The following SETBP1 variants were observed in gnomAD, a reference collection of about 807,000 sequenced individuals.
The protein encoded by SETBP1 is SET binding protein 1.
In SETBP1, 9 loss-of-function variants were observed where a neutral mutation model predicts 101.0. The observed-to-expected ratio is 0.09, with a 90% confidence interval of 0.05 to 0.16. The LOEUF (loss-of-function observed/expected upper bound fraction) is 0.16. SETBP1 is among the 10% of genes least tolerant of loss of function. SETBP1 has a pLI of 1.00. For synonymous variants in SETBP1, 818 were observed against 788.5 expected (o/e 1.04, Z -0.63); for missense variants, 1,858 against 2,033.8 (o/e 0.91, Z 1.66).
chr18:44,929,880 A>T (rs1409162711), intron 3 of SETBP1, among the ~76,000 whole-genome samples: 2 of 152,202 alleles, frequency 1.3e-5, no homozygotes, highest in Non-Finnish European at 2.9e-5. Flanking sequence ...GTCATCTGCA[A>T]ACAGGGACAA....
chr18:44,805,502 T>C (rs1263574076), intron 2 of SETBP1, among the ~76,000 whole-genome samples: 1 of 151,990 alleles, frequency 6.6e-6, no homozygotes, highest in Admixed American at 6.6e-5. Context: ...AATTCTATGC[T>C]CAAATCTCAA....
intron 2 of SETBP1, among the ~76,000 whole-genome samples, chr18:44,838,699 G>A (rs548707670): frequency 6.6e-6 from 1 of 152,198 alleles, no homozygotes; most frequent in Non-Finnish European, 1.5e-5. Flanking sequence ...GGGGTATGGG[G>A]TGGGCTGGAT....
intron 2 of SETBP1, among the ~76,000 whole-genome samples, chr18:44,758,099 T>C (rs892353237): frequency 6.6e-6 from 1 of 152,106 alleles, no homozygotes. Context: ...GTCCCATCTA[T>C]TATCCGTGTA....
At chr18:44,908,338 A>G (rs151123097) in intron 3 of SETBP1, among the ~76,000 whole-genome samples, 180 of 152,170 alleles carry the variant, frequency 1.2e-3, no homozygotes, top group African/African-American at 4.2e-3. Flanking sequence ...GGTGTGAGCC[A>G]CCACACCTGG....
At chr18:44,915,289 TG>T (rs1370501628) in intron 3 of SETBP1, among the ~76,000 whole-genome samples, 1 of 152,140 alleles carries the variant, frequency 6.6e-6, no homozygotes, top group African/African-American at 2.4e-5. Context: ...CAAGGAAGTA[TG>T]GGGTTTTATT....
chr18:45,041,612 G>A (rs1191097503), intron 5 of SETBP1, among the ~76,000 whole-genome samples: 1 of 152,146 alleles, frequency 6.6e-6, no homozygotes, highest in African/African-American at 2.4e-5. Flanking sequence ...AAGCAATCGT[G>A]TATTGAGATA....
At chr18:44,977,974 T>C (rs946420269) in intron 4 of SETBP1, among the ~76,000 whole-genome samples, 6 of 152,168 alleles carry the variant, frequency 3.9e-5, no homozygotes, top group African/African-American at 7.2e-5. Context: ...TTTTCAGCTC[T>C]GGGGCCTGTG....
At position 45,017,337 on chromosome 18, in the gene SETBP1, G is replaced by T. The variant is rs531172482; in HGVS notation, c.4001-21148G>T. 3.3e-5 allele frequency among the ~76,000 whole-genome samples: 5 copies of T among 152,284 alleles called. No homozygotes were observed. In the East Asian group the frequency reaches 9.7e-4, roughly 29 times the overall value. ...CCCTCCAGTAAATATGGCCAACATAGGGCAAAACTGTGGACTCTGCAAAAT... is the reference window on the plus strand; with the variant it reads ...CCCTCCAGTAAATATGGCCAACATATGGCAAAACTGTGGACTCTGCAAAAT... On this transcript the variant is annotated intron_variant, in intron 4 of 5. Coordinates refer to ENST00000649279, the MANE Select transcript of SETBP1 (RefSeq NM_015559.3).
At chr18:45,008,198 C>A (rs770282270) in intron 4 of SETBP1, among the ~76,000 whole-genome samples, 1 of 152,052 alleles carries the variant, frequency 6.6e-6, no homozygotes, top group Non-Finnish European at 1.5e-5. Context: ...CTATCTTGTC[C>A]CTAGGGGACA....
intron 2 of SETBP1, among the ~76,000 whole-genome samples, chr18:44,743,693 T>A (rs2144489901): frequency 6.6e-6 from 1 of 152,300 alleles, no homozygotes; most frequent in Non-Finnish European, 1.5e-5. Flanking sequence ...TAGCCCCCAT[T>A]TAACCTACCT....
chr18:44,686,335 G>T lies in SETBP1; in HGVS notation c.-173+5314G>T, dbSNP rs529868214. 3.2e-4 allele frequency among the ~76,000 whole-genome samples: 48 copies of T among 152,340 alleles called. No homozygotes were observed. In the South Asian group the frequency reaches 9.7e-3, roughly 31 times the overall value. On this transcript the variant is annotated intron_variant, in intron 1 of 5. Coordinates refer to ENST00000649279, the MANE Select transcript of SETBP1 (RefSeq NM_015559.3). Reference sequence around the variant, plus strand: ...TGCCCCAGGCTGTGTTGTCAGACTGGTTTCTTCACTGACTCTGGACATTCT... The same window carrying T: ...TGCCCCAGGCTGTGTTGTCAGACTGTTTTCTTCACTGACTCTGGACATTCT...
At position 44,951,227 on chromosome 18, in the gene SETBP1, A is replaced by G. The variant is rs1599367409; in HGVS notation, c.1887A>G (p.Leu629=). The G allele has an allele frequency of 1.2e-6, 2 of 1,614,126 alleles. No homozygotes were observed. The highest frequency in any genetic ancestry group is 4.5e-5 in the East Asian group (2 of 44,882). The change falls in exon 4 of 6, where the codon TTA becomes TTG. Residue 629 remains leucine (L), a synonymous_variant. Coordinates refer to ENST00000649279, the MANE Select transcript of SETBP1 (RefSeq NM_015559.3). This position sits in a 1 kb window ranked among gnomAD's most constrained non-coding sequence, Gnocchi z 7.8. ...AGAAAAGAAAGCGACGACGCAATTT[A>G]GCGAAGTTGGCCCAGCTAGTGCCGG... is the stretch of plus-strand genomic sequence containing the variant. The part of the protein sequence containing the change: ...GTKKRKRRRN[L]AKLAQLVPGE...
At position 45,016,211 on chromosome 18, in the gene SETBP1, T is replaced by C. The variant is rs576937070; in HGVS notation, c.4001-22274T>C. On this transcript the variant is annotated intron_variant, in intron 4 of 5. Coordinates refer to ENST00000649279, the MANE Select transcript of SETBP1 (RefSeq NM_015559.3). ...GTGGGGGAGGTTTTCCCTTATACAC[T>C]ATTTTAGGAAAACTCATGATTGAAT... is the stretch of plus-strand genomic sequence containing the variant. Among the ~76,000 whole-genome samples, 21 of 152,276 alleles carry C rather than the reference T, an allele frequency of 1.4e-4. No homozygotes were observed. In the East Asian group the frequency reaches 3.5e-3, roughly 25 times the overall value.
intron 2 of SETBP1, among the ~76,000 whole-genome samples, chr18:44,860,704 G>A (rs1379411455): frequency 6.6e-6 from 1 of 151,142 alleles, no homozygotes; most frequent in African/African-American, 2.4e-5. Flanking sequence ...CCAAGACTGT[G>A]CCACTGCACT....
rs142813699 is a variant in SETBP1, at chr18:44,947,413, G to A, written c.541-2468G>A. 2.5e-3 allele frequency among the ~76,000 whole-genome samples: 383 copies of A among 152,062 alleles called. 1 individual carries two copies. Among genetic ancestry groups the A allele is most frequent in the African/African-American group, 8.8e-3 (364 of 41,462 alleles). The stretch of plus-strand genomic sequence containing the variant: ...GGTGCCCAGAACTAGAAAAGTGATG[G>A]TGGTAGAGGTGGGAAAAAAAGAAGG... On this transcript the variant is annotated intron_variant, in intron 3 of 5. Transcript: ENST00000649279.
intron 2 of SETBP1, among the ~76,000 whole-genome samples, chr18:44,823,862 G>A (rs758769687): frequency 2.0e-4 from 31 of 152,270 alleles, no homozygotes; most frequent in Non-Finnish European, 3.5e-4. Context: ...TTCTTGAGGT[G>A]AGCAGTGAGG....
At chr18:44,896,177 G>A (rs1031842281) in intron 3 of SETBP1, among the ~76,000 whole-genome samples, 15 of 152,152 alleles carry the variant, frequency 9.9e-5, no homozygotes, top group African/African-American at 3.6e-4. Flanking sequence ...ATGATTAGGG[G>A]CAGTGTCTCA....
At chr18:44,819,063 A>G (rs554022815) in intron 2 of SETBP1, among the ~76,000 whole-genome samples, 4 of 152,172 alleles carry the variant, frequency 2.6e-5, no homozygotes, top group Middle Eastern at 3.4e-3. Context: ...TTTTGGAAGT[A>G]GTTGCACAGC....
chr18:44,704,104 T>C (rs2069169947), intron 2 of SETBP1, among the ~76,000 whole-genome samples: 1 of 152,218 alleles, frequency 6.6e-6, no homozygotes, highest in Admixed American at 6.5e-5. Flanking sequence ...AGGTACCACT[T>C]TTCCTAAAGC....
Sources: gnomAD v4.1 joint callset for allele counts (sites outside exome capture counted in the v4.1 genomes callset) on GRCh38, gnomAD v4.1.1 for gene constraint, Gnocchi (gnomAD v3.1) non-coding constraint, MANE v1.5 for transcripts, NCBI Gene and HGNC (gene_info 2026-07-23, HGNC 2026-07-21) for gene names.